HECW1: variants seen among roughly 807,000 people sequenced by gnomAD.
HECW1 encodes E3 ubiquitin-protein ligase HECW1.
In HECW1, 61 loss-of-function variants were observed where a neutral mutation model predicts 182.3. The observed-to-expected ratio is 0.33, with a 90% CI of 0.27 to 0.41. The LOEUF is 0.41. HECW1 is among the 10% of genes least tolerant of loss of function. The probability of loss-of-function intolerance (pLI) is 1.00; values close to 1 mark genes in which losing one functional copy is unlikely to be tolerated. For missense variants in HECW1, 1,739 were observed against 2,108.9 expected (o/e 0.82, Z 3.44); for synonymous variants, 859 against 832.6 (o/e 1.03, Z -0.55).
rs1433477186 is a variant in HECW1, at chr7:43,492,992, TAATCCTGGTATC to T, written c.3341-89_3341-78del. ...CTGCCTGCCCTTCAAACTCCTTCAT[TAATCCTGGTATC>T]AAGCAGCCATTTTCCAATCATCAGA... On this transcript the variant is annotated intron_variant, in intron 18 of 29. Transcript: ENST00000395891. 3 of 779,554 alleles carry T rather than the reference TAATCCTGGTATC, an allele frequency of 3.8e-6. No individual in the cohort carries two copies. The East Asian group carries it at 8.0e-5, about 21-fold the overall frequency. The allele number at this position is 779,554 out of a possible 1,614,324, so 48.3% of individuals were successfully genotyped here.
chr7:43,162,954 A>T (rs906198436), intron 2 of HECW1: 1 of 152,226 alleles, frequency 6.6e-6, no homozygotes, highest in African/African-American at 2.4e-5. Flanking sequence ...AGAGAAGTCA[A>T]AGAAGTTGCC....
intron 6 of HECW1, among the ~76,000 whole-genome samples, chr7:43,369,428 A>G (rs940112838): frequency 4.6e-5 from 7 of 152,202 alleles, no homozygotes; most frequent in African/African-American, 7.2e-5. Context: ...ATTGCACTCC[A>G]GCCTGGGCTA....
chr7:43,303,418 T>A (rs913628985), intron 3 of HECW1, among the ~76,000 whole-genome samples: 1 of 149,500 alleles, frequency 6.7e-6, no homozygotes, highest in African/African-American at 2.5e-5. Flanking sequence ...ATTGGTGGAT[T>A]TTTTTTTATG....
In HECW1 at chr7:43,468,931, A is replaced by G. The variant is rs777449643; in HGVS notation, c.2925A>G (p.Arg975=). Reference sequence around the variant, plus strand: ...CTGACCTGTCTCAGAGTGCCTACCGAGTCTTCACCAGTAGCACCTGCTTAA... The same window carrying G: ...CTGACCTGTCTCAGAGTGCCTACCGGGTCTTCACCAGTAGCACCTGCTTAA... ...TVLHANYSAY[R]VFTSSTCLKH... Residue 975 remains arginine (R), a synonymous_variant, in exon 16 of 30, where the codon CGA becomes CGG. Transcript: ENST00000395891. The G allele has an allele frequency of 6.2e-7, 1 of 1,614,090 alleles. No homozygotes were observed. Among genetic ancestry groups the G allele is most frequent in the Non-Finnish European group, 8.5e-7 (1 of 1,180,016 alleles).
At chr7:43,499,250 T>A (rs1409720063) in intron 19 of HECW1, among the ~76,000 whole-genome samples, 1 of 152,072 alleles carries the variant, frequency 6.6e-6, no homozygotes, top group African/African-American at 2.4e-5. Context: ...GTCACTGCAC[T>A]GCAGAGTGAG....
At chr7:43,309,044 A>G (rs111627999) in intron 3 of HECW1, among the ~76,000 whole-genome samples, 19 of 152,350 alleles carry the variant, frequency 1.2e-4, no homozygotes, top group African/African-American at 4.3e-4. Context: ...TATGCCAGGT[A>G]CAGGGGATAT....
intron 24 of HECW1, among the ~76,000 whole-genome samples, chr7:43,510,486 T>C (rs17208856): frequency 0.14 from 21,189 of 152,230 alleles, 1,943 homozygotes; most frequent in Middle Eastern, 0.2. Flanking sequence ...TCTGGGAGGA[T>C]ACAAACATAA....
intron 2 of HECW1, among the ~76,000 whole-genome samples, chr7:43,180,544 C>G (rs953727436): frequency 6.6e-6 from 1 of 151,994 alleles, no homozygotes; most frequent in Non-Finnish European, 1.5e-5. Flanking sequence ...TACAGGTGCC[C>G]GCCACCACGC....
chr7:43,338,738 G>T (rs1812597674), intron 5 of HECW1, among the ~76,000 whole-genome samples: 1 of 152,022 alleles, frequency 6.6e-6, no homozygotes, highest in Admixed American at 6.5e-5. Flanking sequence ...AAATCAAGAA[G>T]CAGAGCTTTA....
chr7:43,179,557 G>GTTGT (rs1554299831), intron 2 of HECW1, among the ~76,000 whole-genome samples: 12,183 of 150,348 alleles, frequency 0.081, 859 homozygotes, highest in African/African-American at 0.19. Context: ...TGCTAAGTTT[G>GTTGT]TTGTTGTTGT....
intron 6 of HECW1, among the ~76,000 whole-genome samples, chr7:43,372,433 C>A (rs920694559): frequency 1.2e-4 from 3 of 24,290 alleles, no homozygotes; most frequent in Non-Finnish European, 2.9e-4. Context: ...TATGTATACA[C>A]ATGTATACAT....
rs558570182 is a variant in HECW1 at position 43,281,218 on chromosome 7, G to A, written c.28-30545G>A. On this transcript the variant is annotated intron_variant, in intron 3 of 29. Coordinates refer to ENST00000395891, the MANE Select transcript of HECW1 (RefSeq NM_015052.5). The stretch of plus-strand genomic sequence containing the variant: ...CTGTCACTGCAGGAAGCCCCAGCCC[G>A]AATCATTTGCGTCATGGCCATCACT... Among the ~76,000 whole-genome samples the A allele has an allele frequency of 2.0e-5, 3 of 152,190 alleles. No individual in the cohort carries two copies. In the South Asian group the frequency reaches 6.2e-4, roughly 32 times the overall value.
intron 26 of HECW1, among the ~76,000 whole-genome samples, chr7:43,548,712 C>T (rs953463168): frequency 5.3e-5 from 8 of 152,066 alleles, no homozygotes; most frequent in Non-Finnish European, 1.0e-4. Context: ...GAGGCCAAGG[C>T]GGGTGGATCG....
chr7:43,275,131 T>TTA (rs896099216), intron 3 of HECW1, among the ~76,000 whole-genome samples: 12 of 152,126 alleles, frequency 7.9e-5, no homozygotes, highest in African/African-American at 2.2e-4. Flanking sequence ...ATTTGCAGCA[T>TTA]TATATATATA....
chr7:43,293,199 G>A lies in HECW1; in HGVS notation c.28-18564G>A, dbSNP rs185754903. ...TGTGCCACTGCGCTCCAGCCTGGGC[G>A]ACACAGCGAGACTATGTCTCAAAAA... On this transcript the variant is annotated intron_variant, in intron 3 of 29. Transcript: ENST00000395891. 9.7e-5 allele frequency among the ~76,000 whole-genome samples: 12 copies of A among 123,112 alleles called. No individual in the cohort carries two copies. In the East Asian group the frequency reaches 2.1e-3, roughly 22 times the overall value. The allele number at this position is 123,112 out of a possible 152,430, so 80.8% of individuals were successfully genotyped here. A position where few individuals can be genotyped will look rare whatever the true frequency, so the allele number is the denominator to read the frequency against.
Position 43,475,024 on chromosome 7 carries a change from T to C in HECW1, c.3100-4586T>C, listed in dbSNP as rs77049622. 6.5e-4 allele frequency among the ~76,000 whole-genome samples: 99 copies of C among 152,292 alleles called. 2 individuals carry two copies. The East Asian group carries it at 0.017, about 27-fold the overall frequency. ...GTTTTGTGGATACAGTGTTTCAATT[T>C]GGGAAGGTGAAAAAGTGCTGGGGAA... On this transcript the variant is annotated intron_variant, in intron 16 of 29. Transcript: ENST00000395891.
chr7:43,337,743 C>T (rs116393582), intron 5 of HECW1, among the ~76,000 whole-genome samples: 340 of 152,336 alleles, frequency 2.2e-3, no homozygotes, highest in African/African-American at 7.7e-3. Flanking sequence ...CAAGAGGCAA[C>T]AATTCCAGCA....
chr7:43,275,136 T>C (rs1802953247), intron 3 of HECW1, among the ~76,000 whole-genome samples: 1 of 152,214 alleles, frequency 6.6e-6, no homozygotes, highest in Non-Finnish European at 1.5e-5. Context: ...CAGCATTATA[T>C]ATATATTTAA....
In HECW1 at chr7:43,501,183, CTTTTTTT is replaced by C. The variant is rs567367189; in HGVS notation, c.3522-16_3522-10del. 2.0e-4 allele frequency: 152 copies of C among 746,124 alleles called. 1 individual carries two copies. The highest frequency in any genetic ancestry group is 4.2e-4 in the East Asian group (15 of 35,506). The allele number at this position is 746,124 out of a possible 1,614,324, so 46.2% of individuals were successfully genotyped here. On this transcript the variant is annotated intron_variant, in intron 20 of 29. Transcript: ENST00000395891. ...ATGTAAAACTGACTTTCTTTTCTTT[CTTTTTTT>C]TTTTTTTTTTTTTCATATGCAGTCT...
Sources: gnomAD v4.1 joint callset for allele counts (sites outside exome capture counted in the v4.1 genomes callset) on GRCh38, gnomAD v4.1.1 for gene constraint, MANE v1.5 for transcripts, NCBI Gene and HGNC (gene_info 2026-07-23, HGNC 2026-07-21) for gene names.